The following KCND2 variants were observed in gnomAD, a reference collection of about 807,000 sequenced individuals.
KCND2 encodes the protein A-type voltage-gated potassium channel KCND2.
A neutral mutation model predicts 54.4 loss-of-function variants in KCND2; 16 were observed. That is an observed-to-expected ratio of 0.29 (90% CI 0.20 to 0.45). The LOEUF is 0.45. Among genes scored for constraint, KCND2 ranks in the 20% least tolerant of loss-of-function variants. The pLI is 1.00. For synonymous variants in KCND2, 317 were observed against 310.7 expected, an observed-to-expected ratio of 1.02 and a Z score of -0.21; for missense variants, 486 against 824.2, an observed-to-expected ratio of 0.59 and a Z score of 5.02.
chr7:120,598,894 G>T (rs1489662177), intron 1 of KCND2, among the ~76,000 whole-genome samples: 2 of 152,030 alleles, frequency 1.3e-5, no homozygotes, highest in African/African-American at 4.8e-5. Context: ...TCACATTTAA[G>T]AAATCTTTTA....
intron 1 of KCND2, among the ~76,000 whole-genome samples, chr7:120,674,556 T>C (rs982120259): frequency 2.0e-5 from 3 of 152,232 alleles, no homozygotes; most frequent in Non-Finnish European, 2.9e-5. Context: ...TCCTGAGGGA[T>C]AAGCCATTAG....
At chr7:120,366,050 T>C (rs909503595) in intron 1 of KCND2, among the ~76,000 whole-genome samples, 4 of 152,152 alleles carry the variant, frequency 2.6e-5, no homozygotes, top group African/African-American at 9.6e-5. Flanking sequence ...ATAGTAGAGA[T>C]GATTCCAGTT....
chr7:120,462,260 T>C (rs1235803341), intron 1 of KCND2, among the ~76,000 whole-genome samples: 1 of 151,898 alleles, frequency 6.6e-6, no homozygotes, highest in Non-Finnish European at 1.5e-5. Context: ...GCCTTCAACA[T>C]TTATTTAAAA....
chr7:120,613,143 C>A (rs1030557049), intron 1 of KCND2, among the ~76,000 whole-genome samples: 3 of 150,874 alleles, frequency 2.0e-5, no homozygotes, highest in African/African-American at 7.3e-5. Context: ...AGCTATTACG[C>A]AGTGATTCAG....
chr7:120,387,845 A>AAT lies in KCND2; in HGVS notation c.1115+112103_1115+112104dup, dbSNP rs557084270. 1.3e-3 allele frequency among the ~76,000 whole-genome samples: 199 copies of AAT among 152,142 alleles called. 1 individual carries two copies. Among genetic ancestry groups the AAT allele is most frequent in the African/African-American group, 4.7e-3 (196 of 41,564 alleles). On this transcript the variant is annotated intron_variant, in intron 1 of 5. Transcript: ENST00000331113. ...GCGATAATACATTAGTATTTTAAAA[A>AAT]ATATATTATTGCTACCACTAATGAA...
chr7:120,534,316 TA>T (rs974564211), intron 1 of KCND2, among the ~76,000 whole-genome samples: 12 of 152,268 alleles, frequency 7.9e-5, no homozygotes, highest in African/African-American at 2.6e-4. Flanking sequence ...GAATAATACT[TA>T]CCTCCTTACC....
At chr7:120,445,277 G>A (rs1304164773) in intron 1 of KCND2, among the ~76,000 whole-genome samples, 1 of 152,092 alleles carries the variant, frequency 6.6e-6, no homozygotes, top group African/African-American at 2.4e-5. Flanking sequence ...AATAAGAAAA[G>A]CCATTGTTGA....
chr7:120,393,900 A>T (rs1363172973), intron 1 of KCND2, among the ~76,000 whole-genome samples: 2 of 152,030 alleles, frequency 1.3e-5, no homozygotes, highest in African/African-American at 2.4e-5. Context: ...TTTTGGAAGT[A>T]ATTTTTTAAC....
chr7:120,311,817 TG>T (rs1213654261), intron 1 of KCND2, among the ~76,000 whole-genome samples: 21 of 152,154 alleles, frequency 1.4e-4, no homozygotes, highest in African/African-American at 4.8e-4. Context: ...GAGAACATGC[TG>T]TATTTGTTTT....
At chr7:120,734,390 A>G (rs532573887) in intron 2 of KCND2, among the ~76,000 whole-genome samples, 13 of 152,120 alleles carry the variant, frequency 8.5e-5, no homozygotes, top group Non-Finnish European at 1.6e-4. Flanking sequence ...CTCTGGCGTT[A>G]GTTACCATTA....
At chr7:120,397,544 G>T (rs1801171823) in intron 1 of KCND2, among the ~76,000 whole-genome samples, 1 of 151,890 alleles carries the variant, frequency 6.6e-6, no homozygotes, top group Non-Finnish European at 1.5e-5. Context: ...ATTTTGCTAA[G>T]TTTAATAATA....
At chr7:120,418,614 T>C (rs1265058398) in intron 1 of KCND2, among the ~76,000 whole-genome samples, 1 of 152,170 alleles carries the variant, frequency 6.6e-6, no homozygotes, top group African/African-American at 2.4e-5. Flanking sequence ...GTGGGGACCC[T>C]GGCATGGGTG....
At chr7:120,463,517 C>T (rs1802316819) in intron 1 of KCND2, among the ~76,000 whole-genome samples, 2 of 151,940 alleles carry the variant, frequency 1.3e-5, no homozygotes, top group African/African-American at 4.8e-5. Flanking sequence ...GTTTTGATGT[C>T]ACTTAGTCTA....
At chr7:120,297,093 A>C (rs1343617798) in intron 1 of KCND2, among the ~76,000 whole-genome samples, 1 of 152,022 alleles carries the variant, frequency 6.6e-6, no homozygotes, top group Non-Finnish European at 1.5e-5. Flanking sequence ...GTAGCAATGA[A>C]ATCTGGGCAC....
At chr7:120,545,201 C>T (rs1792028632) in intron 1 of KCND2, among the ~76,000 whole-genome samples, 1 of 151,484 alleles carries the variant, frequency 6.6e-6, no homozygotes, top group Non-Finnish European at 1.5e-5. Flanking sequence ...GAAATTACTT[C>T]TGTTTCCCAC....
At chr7:120,636,335 A>T (rs79571615) in intron 1 of KCND2, among the ~76,000 whole-genome samples, 5,223 of 152,144 alleles carry the variant, frequency 0.034, 211 homozygotes, top group African/African-American at 0.1. Context: ...GAAGAACTTG[A>T]GCTAGTTGCA....
chr7:120,521,983 C>A (rs1245621747), intron 1 of KCND2, among the ~76,000 whole-genome samples: 2 of 152,148 alleles, frequency 1.3e-5, no homozygotes, highest in Non-Finnish European at 2.9e-5. Flanking sequence ...AGGTTGCTGT[C>A]CAACTCTATT....
At chr7:120,335,850 T>C (rs1224366329) in intron 1 of KCND2, among the ~76,000 whole-genome samples, 1 of 152,212 alleles carries the variant, frequency 6.6e-6, no homozygotes, top group South Asian at 2.1e-4. Flanking sequence ...GCGATTGCCA[T>C]TTACAAGTAA....
At chr7:120,714,832 T>C (rs992862952) in intron 1 of KCND2, among the ~76,000 whole-genome samples, 1 of 150,696 alleles carries the variant, frequency 6.6e-6, no homozygotes, top group Non-Finnish European at 1.5e-5. Context: ...TATCTTTTGC[T>C]AATCTGAAAT....
Sources: gnomAD v4.1 joint callset for allele counts (sites outside exome capture counted in the v4.1 genomes callset) on GRCh38, gnomAD v4.1.1 for gene constraint, MANE v1.5 for transcripts, NCBI Gene and HGNC (gene_info 2026-07-23, HGNC 2026-07-21) for gene names.